Variants in PPP2R5B observed in about 807,000 individuals in gnomAD.
PPP2R5B encodes the protein protein phosphatase 2 regulatory subunit B'beta.
A neutral mutation model predicts 59.9 loss-of-function variants in PPP2R5B; 19 were observed. That is an observed-to-expected ratio of 0.32 (90% CI 0.22 to 0.47). The LOEUF is 0.47. Among genes scored for constraint, PPP2R5B ranks in the 20% least tolerant of loss-of-function variants. The pLI, the probability that PPP2R5B is intolerant of heterozygous loss-of-function variation, is 1.00. For synonymous variants in PPP2R5B, 286 were observed against 260.5 expected (o/e 1.10, Z -0.94); for missense variants, 441 against 640.2 (o/e 0.69, Z 3.36).
Position 64,931,820 on chromosome 11 carries a change from G to T in PPP2R5B, c.1068G>T (p.Glu356Asp). The T allele has an allele frequency of 6.2e-7, 1 of 1,614,208 alleles. No individual in the cohort carries two copies. Among genetic ancestry groups the T allele is most frequent in the Non-Finnish European group, 8.5e-7 (1 of 1,180,036 alleles). Residue 356 changes from glutamate to aspartate, a missense_variant, in exon 11 of 14, where the codon GAG (glutamate) becomes GAT (aspartate). Glu to Asp is a conservative substitution (Grantham distance 45, BLOSUM62 2). Transcript: ENST00000164133. This position sits in a 1 kb window ranked among gnomAD's most constrained non-coding sequence, Gnocchi z 5.0. ...IEPSQFVKIQ[E>D]PLFKQVARCV... The stretch of plus-strand genomic sequence containing the variant: ...CCTCCCAGTTTGTGAAGATCCAGGA[G>T]CCCCTTTTTAAGCAGGTGGCTCGCT...
At chr11:64,926,529 A>C (rs1359438689) in intron 2 of PPP2R5B, among the ~76,000 whole-genome samples, 183 bp from the exon 3 acceptor site, 2 of 152,166 alleles carry the variant, frequency 1.3e-5, no homozygotes, top group Non-Finnish European at 2.9e-5. Context: ...GCAACCCTCA[A>C]CCCCCAGGAA....
rs1945149122 is a variant in PPP2R5B, at chr11:64,925,425, CTG to C, written c.-264-44_-264-43del. The stretch of plus-strand genomic sequence containing the variant: ...CTCCTGAGGAACTGATGGGCTTTCT[CTG>C]TCTCTTTCTTGCTGATCTTTCTGCC... On this transcript the variant is annotated intron_variant, in intron 1 of 13. Coordinates refer to ENST00000164133, the MANE Select transcript of PPP2R5B (RefSeq NM_006244.4). The surrounding 1 kb of genome is among the most constrained non-coding windows in gnomAD (Gnocchi z 4.6). 2 of 294,204 alleles carry C rather than the reference CTG, an allele frequency of 6.8e-6. No homozygotes were observed. Among genetic ancestry groups the C allele is most frequent in the Admixed American group, 9.7e-5 (2 of 20,516 alleles). The allele number at this position is 294,204 out of a possible 1,614,324, so 18.2% of individuals were successfully genotyped here.
At chr11:64,927,976 G>GC in intron 4 of PPP2R5B, 73 bp downstream of exon 4, 1 of 1,565,838 alleles carries the variant, frequency 6.4e-7, no homozygotes, top group Non-Finnish European at 8.8e-7. Flanking sequence ...GGCCTCCTTA[G>GC]CCCCTAGACA....
At chr11:64,927,091 C>T (rs924718419) in intron 3 of PPP2R5B, among the ~76,000 whole-genome samples, 183 bp downstream of exon 3, 2 of 152,200 alleles carry the variant, frequency 1.3e-5, no homozygotes, top group African/African-American at 4.8e-5. Flanking sequence ...GCCTGCCCCA[C>T]GTCCACACCT....
chr11:64,926,983 C>G (rs1224209372), intron 3 of PPP2R5B, 75 bp downstream of exon 3: 56 of 1,508,036 alleles, frequency 3.7e-5, no homozygotes, highest in Non-Finnish European at 4.8e-5. Context: ...CGCAGGACCC[C>G]TGCGTGGAGA....
Position 64,925,784 on chromosome 11 carries a change from C to G in PPP2R5B, c.50C>G (p.Pro17Arg), listed in dbSNP as rs1326486257. 2 of 1,590,212 alleles carry G rather than the reference C, an allele frequency of 1.3e-6. No homozygotes were observed. The highest frequency in any genetic ancestry group is 2.7e-5 in the African/African-American group (2 of 74,458). ...AGCACCCCCACTAGCCCCTCCTCCC[C>G]CGGGCTGTCGCCTGTGCCCCCACCC... ...PASTPTSPSS[P>R]GLSPVPPPDK... The change falls in exon 2 of 14, where the codon CCC becomes CGC. Residue 17 changes from proline to arginine, a missense_variant. Pro to Arg is a moderately radical substitution (Grantham distance 103, BLOSUM62 -2). Around this residue, in one of 3 missense-constraint regions of PPP2R5B, gnomAD observed 103 missense variants for 87.9 expected, o/e 1.17. Coordinates refer to ENST00000164133, the MANE Select transcript of PPP2R5B (RefSeq NM_006244.4). This position sits in a 1 kb window ranked among gnomAD's most constrained non-coding sequence, Gnocchi z 4.6.
intron 11 of PPP2R5B, among the ~76,000 whole-genome samples, chr11:64,932,464 T>A (rs1222772839): frequency 6.6e-6 from 1 of 152,208 alleles, no homozygotes; most frequent in Non-Finnish European, 1.5e-5. Flanking sequence ...CCTGTTGAGA[T>A]AGGTATTATT....
At chr11:64,929,352 C>T (rs547284461) in intron 6 of PPP2R5B, among the ~76,000 whole-genome samples, 1 of 152,298 alleles carries the variant, frequency 6.6e-6, no homozygotes, top group African/African-American at 2.4e-5. Flanking sequence ...AGCTGTATGG[C>T]CTACATTTGA....
At chr11:64,932,182 T>C (rs1192190115) in intron 11 of PPP2R5B, among the ~76,000 whole-genome samples, 4 of 152,230 alleles carry the variant, frequency 2.6e-5, no homozygotes, top group Non-Finnish European at 5.9e-5. Context: ...TTTGGTAAAC[T>C]GAAGTGTGAT....
Position 64,931,370 on chromosome 11 carries a change from G to T in PPP2R5B, c.892-66G>T, listed in dbSNP as rs946361461. On this transcript the variant is annotated intron_variant, in intron 8 of 13. Coordinates refer to ENST00000164133, the MANE Select transcript of PPP2R5B (RefSeq NM_006244.4). This position sits in a 1 kb window ranked among gnomAD's most constrained non-coding sequence, Gnocchi z 5.0. ...AGTATTTGGCATTCTGTCCTGGACA[G>T]CAAGTCCTTGGCGCCTGGTGCCTTC... 1 of 1,549,798 alleles carries T rather than the reference G, an allele frequency of 6.5e-7. No individual in the cohort carries two copies. The highest frequency in any genetic ancestry group is 1.4e-5 in the African/African-American group (1 of 73,284).
chr11:64,932,105 TA>T (rs1370930089), intron 11 of PPP2R5B, among the ~76,000 whole-genome samples: 1 of 152,192 alleles, frequency 6.6e-6, no homozygotes, highest in Non-Finnish European at 1.5e-5. Context: ...TCCGCAGCTG[TA>T]AAATGGGCCA....
At chr11:64,920,005 G>A (rs1285864334), upstream of PPP2R5B, among the ~76,000 whole-genome samples, 1 of 152,056 alleles carries the variant, frequency 6.6e-6, no homozygotes, top group Non-Finnish European at 1.5e-5. Flanking sequence ...CAGCATTTTT[G>A]GGAGGCTGAG....
intron 11 of PPP2R5B, among the ~76,000 whole-genome samples, 164 bp from the exon 12 acceptor site, chr11:64,932,601 T>A (rs1041542913): frequency 1.3e-5 from 2 of 152,160 alleles, no homozygotes; most frequent in Non-Finnish European, 2.9e-5. Context: ...TCTAGAACTC[T>A]TTTCCCTTCA....
chr11:64,931,814 C>A lies in PPP2R5B; in HGVS notation c.1062C>A (p.Ile354=). Reference sequence around the variant, plus strand: ...TCGAGCCCTCCCAGTTTGTGAAGATCCAGGAGCCCCTTTTTAAGCAGGTGG... The same window carrying A: ...TCGAGCCCTCCCAGTTTGTGAAGATACAGGAGCCCCTTTTTAAGCAGGTGG... The part of the protein sequence containing the change: ...DVIEPSQFVK[I]QEPLFKQVAR... The change falls in exon 11 of 14, where the codon ATC becomes ATA. Residue 354 remains isoleucine (I), a synonymous_variant. Transcript: ENST00000164133. This position sits in a 1 kb window ranked among gnomAD's most constrained non-coding sequence, Gnocchi z 5.0. 6.2e-7 allele frequency: 1 copy of A among 1,613,590 alleles called. No homozygotes were observed. Among genetic ancestry groups the A allele is most frequent in the Non-Finnish European group, 8.5e-7 (1 of 1,179,722 alleles).
upstream of PPP2R5B, chr11:64,924,073 C>T (rs1187794504): frequency 6.6e-6 from 1 of 152,266 alleles, no homozygotes; most frequent in Non-Finnish European, 1.5e-5. Flanking sequence ...ACCTCCTCCT[C>T]TCGGGCTTTG....
Position 64,926,734 on chromosome 11 carries a change from C to T in PPP2R5B, c.222C>T (p.His74=), listed in dbSNP as rs200140478. 82 of 1,614,118 alleles carry T rather than the reference C, an allele frequency of 5.1e-5. No individual in the cohort carries two copies. Among genetic ancestry groups the T allele is most frequent in the South Asian group, 8.8e-5 (8 of 91,088 alleles). ...CAGATGTGCCGGCTTCCGAGCTGCA[C>T]GAGCTGCTGAGCCGGAAGCTGGCCC... ...LLKDVPASEL[H]ELLSRKLAQC... The change falls in exon 3 of 14, where the codon CAC becomes CAT. Residue 74 remains histidine (H), a synonymous_variant. Coordinates refer to ENST00000164133, the MANE Select transcript of PPP2R5B (RefSeq NM_006244.4).
At position 64,933,782 on chromosome 11, in the gene PPP2R5B, G is replaced by T; in HGVS notation, c.1432G>T (p.Ala478Ser). ...RLRRLQGTQG[A>S]KEAPLQRLTP... ...ACGCCGGCTACAGGGGACCCAGGGG[G>T]CCAAGGAGGCCCCCCTCCAGCGGCT... The change falls in exon 14 of 14, where the codon GCC (alanine) becomes TCC (serine). Residue 478 changes from alanine to serine, a missense_variant. By Grantham distance (99) the Ala-to-Ser change is moderately conservative (BLOSUM62 1). Transcript: ENST00000164133. The T allele has an allele frequency of 6.4e-7, 1 of 1,554,030 alleles. No homozygotes were observed. The highest frequency in any genetic ancestry group is 8.7e-7 in the Non-Finnish European group (1 of 1,148,416).
At chr11:64,924,638 C>T (rs985690330), upstream of PPP2R5B, 3 of 152,326 alleles carry the variant, frequency 2.0e-5, no homozygotes, top group African/African-American at 7.2e-5. Context: ...CTGACGCAGC[C>T]CCCCCTTTCA....
chr11:64,928,999 A>G (rs965914843), intron 6 of PPP2R5B, among the ~76,000 whole-genome samples: 74 of 152,246 alleles, frequency 4.9e-4, no homozygotes, highest in African/African-American at 1.7e-3. Context: ...AAAAAAAAGA[A>G]GACTGCAGCA....
Sources: gnomAD v4.1 joint callset for allele counts (sites outside exome capture counted in the v4.1 genomes callset) on GRCh38, gnomAD v4.1.1 for gene constraint, gnomAD v4.1.1 regional missense constraint, Gnocchi (gnomAD v3.1) non-coding constraint, MANE v1.5 for transcripts, NCBI Gene and HGNC (gene_info 2026-07-23, HGNC 2026-07-21) for gene names.